CDKAL1: variants seen among roughly 807,000 people sequenced by gnomAD.
CDKAL1 encodes CDKAL1 threonylcarbamoyladenosine tRNA methylthiotransferase, also known as threonylcarbamoyladenosine tRNA methylthiotransferase.
CDKAL1 carries 32 observed loss-of-function variants against 68.2 expected under a neutral mutation model. The ratio of observed to expected loss-of-function variants is 0.47; its 90% CI spans 0.35 to 0.63. The LOEUF (loss-of-function observed/expected upper bound fraction) is 0.63. Ranked by LOEUF, CDKAL1 falls within the 30% of genes least tolerant of loss-of-function variation. The pLI is 0.00. For synonymous variants in CDKAL1, 234 were observed against 244.3 expected (o/e 0.96, Z 0.39); for missense variants, 606 against 696.7 (o/e 0.87, Z 1.47).
At chr6:20,841,250 G>T (rs111991166) in intron 8 of CDKAL1, among the ~76,000 whole-genome samples, 1 of 152,104 alleles carries the variant, frequency 6.6e-6, no homozygotes, top group Non-Finnish European at 1.5e-5. Context: ...ATTAATGCTT[G>T]AGTCCAAATG....
chr6:21,200,279 T>C lies in CDKAL1; in HGVS notation c.1384-831T>C, dbSNP rs549155870. On this transcript the variant is annotated intron_variant, in intron 14 of 15. Transcript: ENST00000274695. ...AGTGGAAAGAGACCACCTGACAGTT[T>C]CCTGTGAACAAGCCAAAGTACCCTT... is the stretch of plus-strand genomic sequence containing the variant. Among the ~76,000 whole-genome samples the C allele has an allele frequency of 1.3e-4, 20 of 152,328 alleles. 1 individual carries two copies. The South Asian group carries it at 4.1e-3, about 32-fold the overall frequency.
intron 5 of CDKAL1, among the ~76,000 whole-genome samples, chr6:20,694,240 C>T (rs543220689): frequency 6.6e-6 from 1 of 152,238 alleles, no homozygotes; most frequent in South Asian, 2.1e-4. Context: ...CAGGGTTTCA[C>T]TATGTTGCCC....
intron 9 of CDKAL1, among the ~76,000 whole-genome samples, chr6:20,878,871 G>T (rs190923420): frequency 6.6e-5 from 10 of 151,886 alleles, no homozygotes; most frequent in Admixed American, 5.2e-4. Context: ...CTGAGGTCAG[G>T]GGTTCAAGAC....
chr6:20,794,543 G>T (rs1776032600), intron 8 of CDKAL1, among the ~76,000 whole-genome samples: 2 of 152,088 alleles, frequency 1.3e-5, no homozygotes, highest in Non-Finnish European at 2.9e-5. Flanking sequence ...GTAGCCCCAT[G>T]GCCAAATACC....
At chr6:20,950,352 G>A (rs539877831) in intron 9 of CDKAL1, among the ~76,000 whole-genome samples, 4 of 152,150 alleles carry the variant, frequency 2.6e-5, no homozygotes, top group East Asian at 1.9e-4. Context: ...TGGAACTCCC[G>A]ACCTCAGGTG....
chr6:20,987,631 T>A (rs1039035151), intron 10 of CDKAL1, among the ~76,000 whole-genome samples: 1 of 152,124 alleles, frequency 6.6e-6, no homozygotes. Flanking sequence ...ACAGTTAACT[T>A]CTTCTTCCCG....
At chr6:20,784,385 G>GT (rs1165351509) in intron 8 of CDKAL1, among the ~76,000 whole-genome samples, 13 of 70,956 alleles carry the variant, frequency 1.8e-4, no homozygotes, top group South Asian at 5.2e-4. Flanking sequence ...ATTTTTAAGT[G>GT]TTTTTTTTCT....
At position 21,228,621 on chromosome 6, in the gene CDKAL1, G is replaced by T. The variant is rs147838516; in HGVS notation, c.1549-2227G>T. 4.5e-4 allele frequency among the ~76,000 whole-genome samples: 68 copies of T among 152,284 alleles called. 2 individuals are homozygous for T. The East Asian group carries it at 6.2e-3, about 14-fold the overall frequency. On this transcript the variant is annotated intron_variant, in intron 15 of 15. Transcript: ENST00000274695. ...CACTCTCATATTATTCACTCGATCAGTCATTCATTCATTCATTCCTAAACA... is the reference window on the plus strand; with the variant it reads ...CACTCTCATATTATTCACTCGATCATTCATTCATTCATTCATTCCTAAACA...
intron 13 of CDKAL1, among the ~76,000 whole-genome samples, chr6:21,133,090 C>T (rs894871822): frequency 6.6e-6 from 1 of 152,048 alleles, no homozygotes; most frequent in Non-Finnish European, 1.5e-5. Flanking sequence ...AAATTGTTTC[C>T]CATAGATCCT....
intron 6 of CDKAL1, among the ~76,000 whole-genome samples, chr6:20,749,661 C>A (rs1773828367): frequency 6.6e-6 from 1 of 151,938 alleles, no homozygotes; most frequent in Non-Finnish European, 1.5e-5. Context: ...CATTCTCCTG[C>A]CTCAGCCTCC....
At chr6:20,707,026 A>G (rs539102941) in intron 5 of CDKAL1, among the ~76,000 whole-genome samples, 8 of 152,294 alleles carry the variant, frequency 5.3e-5, no homozygotes, top group South Asian at 4.1e-4. Flanking sequence ...GTCCTGAACA[A>G]CGTTATTTAG....
At chr6:20,569,558 A>G (rs1049476265) in intron 4 of CDKAL1, among the ~76,000 whole-genome samples, 2 of 152,182 alleles carry the variant, frequency 1.3e-5, no homozygotes, top group Admixed American at 6.5e-5. Context: ...AGCATGTCAT[A>G]CTAATTAGCA....
At chr6:20,647,941 G>C (rs1368625953) in intron 4 of CDKAL1, among the ~76,000 whole-genome samples, 1 of 150,756 alleles carries the variant, frequency 6.6e-6, no homozygotes, top group Admixed American at 6.6e-5. Flanking sequence ...TGGGCATGGT[G>C]GTGGGCGCCT....
chr6:20,901,667 C>T lies in CDKAL1; in HGVS notation c.743-53752C>T, dbSNP rs376571284. On this transcript the variant is annotated intron_variant, in intron 9 of 15. Coordinates refer to ENST00000274695, the MANE Select transcript of CDKAL1 (RefSeq NM_017774.3). ...CTGCACTCCAGCCTGGGCAAGAGTG[C>T]GAGACTCCATCTGGAAAAAAAAAAA... Among the ~76,000 whole-genome samples the T allele has an allele frequency of 1.9e-3, 206 of 107,166 alleles. 9 individuals carry two copies. The South Asian group carries it at 0.067, about 35-fold the overall frequency. 70.3% of individuals were successfully genotyped at this position (107,166 alleles called of 152,430 possible). A position where few individuals can be genotyped will look rare whatever the true frequency, so the allele number is the denominator to read the frequency against.
intron 8 of CDKAL1, among the ~76,000 whole-genome samples, chr6:20,800,150 T>TTTTTC (rs55657338): frequency 0.88 from 134,093 of 151,584 alleles, 59,444 homozygotes; most frequent in East Asian, 1. Flanking sequence ...CTCAGCAGCC[T>TTTTTC]TTTTCTTTTC....
In CDKAL1 at chr6:21,231,243, C is replaced by T. The variant is rs1563727; in HGVS notation, c.*204C>T. 9.5e-5 allele frequency: 40 copies of T among 419,064 alleles called. No individual in the cohort carries two copies. The highest frequency in any genetic ancestry group is 1.5e-4 in the Non-Finnish European group (36 of 236,536). The allele number at this position is 419,064 out of a possible 1,614,324, so 26.0% of individuals were successfully genotyped here. On this transcript the variant is annotated 3_prime_UTR_variant, in exon 16 of 16. Transcript: ENST00000274695. Reference sequence around the variant, plus strand: ...GTTATTTGACCTAAAACCTAATCACCGCTACCATAGCACATCCTTCAAATT... The same window carrying T: ...GTTATTTGACCTAAAACCTAATCACTGCTACCATAGCACATCCTTCAAATT...
chr6:20,986,855 G>C (rs998347789), intron 10 of CDKAL1, among the ~76,000 whole-genome samples: 11 of 152,130 alleles, frequency 7.2e-5, no homozygotes, highest in African/African-American at 2.7e-4. Context: ...GTCAAAATCA[G>C]ATCAAGTTAG....
At chr6:20,602,898 C>T (rs1297875073) in intron 4 of CDKAL1, among the ~76,000 whole-genome samples, 3 of 152,150 alleles carry the variant, frequency 2.0e-5, no homozygotes, top group Admixed American at 1.3e-4. Context: ...TCCAGTTTCT[C>T]AGTGTGAGGA....
chr6:21,123,039 C>T (rs1003813373), intron 13 of CDKAL1, among the ~76,000 whole-genome samples: 1 of 152,110 alleles, frequency 6.6e-6, no homozygotes, highest in African/African-American at 2.4e-5. Context: ...TATAGATGTA[C>T]ATGCTGTGTA....
Sources: gnomAD v4.1 joint callset for allele counts (sites outside exome capture counted in the v4.1 genomes callset) on GRCh38, gnomAD v4.1.1 for gene constraint, MANE v1.5 for transcripts, NCBI Gene and HGNC (gene_info 2026-07-23, HGNC 2026-07-21) for gene names.